Variants in SYNPO2 observed in about 807,000 individuals in gnomAD.
The protein encoded by SYNPO2 is synaptopodin-2.
In SYNPO2, 56 loss-of-function variants were observed where a neutral mutation model predicts 85.0. That is an observed-to-expected ratio of 0.66 (90% confidence interval 0.53 to 0.82). SYNPO2 has a LOEUF of 0.82. SYNPO2 is among the 40% of genes least tolerant of loss of function. The probability of loss-of-function intolerance (pLI) is 0.00; values close to 1 mark genes in which losing one functional copy is unlikely to be tolerated. For synonymous variants in SYNPO2, 602 were observed against 591.1 expected, an observed-to-expected ratio of 1.02 and a Z score of -0.27; for missense variants, 1,575 against 1,534.2, an observed-to-expected ratio of 1.03 and a Z score of -0.44.
chr4:118,852,313 A>G (rs1371495673), intron 1 of SYNPO2, among the ~76,000 whole-genome samples: 1 of 152,230 alleles, frequency 6.6e-6, no homozygotes. Flanking sequence ...CAGTGTGGTG[A>G]TTCCTCAAAG....
chr4:119,027,145 T>C lies in SYNPO2; in HGVS notation c.776T>C (p.Ile259Thr). 1 of 1,614,182 alleles carries C rather than the reference T, an allele frequency of 6.2e-7. No individual in the cohort carries two copies. Among genetic ancestry groups the C allele is most frequent in the Non-Finnish European group, 8.5e-7 (1 of 1,180,034 alleles). The change falls in exon 3 of 5, where the codon ATA (isoleucine) becomes ACA (threonine). Residue 259 changes from isoleucine (I) to threonine (T), a missense_variant. Ile to Thr is a moderately conservative substitution (Grantham distance 89). Transcript: ENST00000307142. Reference sequence around the variant, plus strand: ...GACCCTTTCCTGAGGTCCAGCAAGATAATCCAGATCTCCAGTGGCAGAGAG... The same window carrying C: ...GACCCTTTCCTGAGGTCCAGCAAGACAATCCAGATCTCCAGTGGCAGAGAG... ...KADPFLRSSK[I>T]IQISSGRELR... is the part of the protein sequence containing the mutation.
At chr4:118,952,943 T>C (rs1734747730) in intron 1 of SYNPO2, among the ~76,000 whole-genome samples, 2 of 152,166 alleles carry the variant, frequency 1.3e-5, no homozygotes, top group South Asian at 4.1e-4. Flanking sequence ...TTTAAAAAAT[T>C]ATACAGAATC....
chr4:119,025,073 T>A (rs1297057040), intron 2 of SYNPO2, among the ~76,000 whole-genome samples: 1 of 152,226 alleles, frequency 6.6e-6, no homozygotes, highest in Non-Finnish European at 1.5e-5. Flanking sequence ...TAAAGCTTTA[T>A]TCGCTCATGC....
At chr4:118,933,976 A>G (rs1734018975) in intron 1 of SYNPO2, among the ~76,000 whole-genome samples, 1 of 152,030 alleles carries the variant, frequency 6.6e-6, no homozygotes, top group South Asian at 2.1e-4. Flanking sequence ...AACATGGTTT[A>G]TTCTGAAAGA....
chr4:119,013,512 A>G (rs997343186), intron 1 of SYNPO2, among the ~76,000 whole-genome samples: 1 of 152,216 alleles, frequency 6.6e-6, no homozygotes, highest in Non-Finnish European at 1.5e-5. Context: ...AAATATGGTT[A>G]TTCAGTCTTG....
Position 118,979,650 on chromosome 4 carries a change from C to G in SYNPO2, c.106-43780C>G, listed in dbSNP as rs553370021. On this transcript the variant is annotated intron_variant, in intron 1 of 4. Transcript: ENST00000307142. ...AATATTTGTTCACTGGTTGGATATC[C>G]TTTCATTATCTATACTATATTTTCA... Among the ~76,000 whole-genome samples the G allele has an allele frequency of 4.6e-5, 7 of 152,260 alleles. No individual in the cohort carries two copies. The South Asian group carries it at 1.4e-3, about 32-fold the overall frequency.
intron 1 of SYNPO2, among the ~76,000 whole-genome samples, chr4:119,014,666 G>A (rs1737459534): frequency 6.6e-6 from 1 of 152,120 alleles, no homozygotes; most frequent in South Asian, 2.1e-4. Context: ...AGTCTAAACA[G>A]TTCCTAAGAC....
At chr4:118,910,039 T>C (rs1733083802) in intron 1 of SYNPO2, among the ~76,000 whole-genome samples, 1 of 152,212 alleles carries the variant, frequency 6.6e-6, no homozygotes, top group Admixed American at 6.5e-5. Context: ...CCAACGTCTA[T>C]TTTACTATGA....
chr4:118,949,839 G>A (rs972476911), intron 1 of SYNPO2, among the ~76,000 whole-genome samples: 5 of 152,020 alleles, frequency 3.3e-5, no homozygotes, highest in African/African-American at 9.7e-5. Context: ...CAAGTCGATC[G>A]TCATTACCCT....
intron 1 of SYNPO2, among the ~76,000 whole-genome samples, chr4:118,853,500 A>G (rs1206814048): frequency 1.3e-5 from 2 of 149,486 alleles, no homozygotes; most frequent in African/African-American, 4.8e-5. Context: ...GAAGTGTGAG[A>G]CTATGGTTCA....
chr4:118,999,150 A>C (rs1560962098), intron 1 of SYNPO2, among the ~76,000 whole-genome samples: 1 of 152,202 alleles, frequency 6.6e-6, no homozygotes, highest in Non-Finnish European at 1.5e-5. Context: ...ATGATGGATA[A>C]GTTTTTTTGT....
At chr4:118,868,058 A>AC (rs1198503916) in intron 1 of SYNPO2, among the ~76,000 whole-genome samples, 4 of 151,778 alleles carry the variant, frequency 2.6e-5, no homozygotes, top group Non-Finnish European at 5.9e-5. Context: ...TAAAAAAAAA[A>AC]AAAAAACTAC....
chr4:118,940,355 T>G (rs1734265710), intron 1 of SYNPO2, among the ~76,000 whole-genome samples: 1 of 152,156 alleles, frequency 6.6e-6, no homozygotes, highest in South Asian at 2.1e-4. Flanking sequence ...TCTAGTTCTG[T>G]CTTCTCTCCC....
chr4:118,956,521 A>C (rs1317211253), intron 1 of SYNPO2, among the ~76,000 whole-genome samples: 1 of 152,240 alleles, frequency 6.6e-6, no homozygotes, highest in Non-Finnish European at 1.5e-5. Context: ...TGAAAATCAA[A>C]ATTATTTCCT....
chr4:118,923,806 A>C (rs1184464907), intron 1 of SYNPO2, among the ~76,000 whole-genome samples: 3 of 151,698 alleles, frequency 2.0e-5, no homozygotes, highest in Non-Finnish European at 4.4e-5. Context: ...CCCTATATTG[A>C]AACTCCTTCT....
intron 1 of SYNPO2, among the ~76,000 whole-genome samples, chr4:118,857,731 T>C (rs1731530907): frequency 1.3e-5 from 2 of 152,224 alleles, no homozygotes; most frequent in Admixed American, 6.5e-5. Context: ...AGTAGAACGC[T>C]CTCGTACTAA....
chr4:118,887,982 CAG>C (rs1274480356), upstream of SYNPO2, among the ~76,000 whole-genome samples: 1 of 152,118 alleles, frequency 6.6e-6, no homozygotes, highest in African/African-American at 2.4e-5. Flanking sequence ...ACATTTTTGG[CAG>C]ATTGTATTCA....
At chr4:119,040,046 A>G (rs1184092890) in intron 4 of SYNPO2, among the ~76,000 whole-genome samples, 10 of 152,200 alleles carry the variant, frequency 6.6e-5, no homozygotes, top group Admixed American at 4.6e-4. Context: ...TCAGCTGTGA[A>G]ACGAAGACAA....
intron 1 of SYNPO2, among the ~76,000 whole-genome samples, chr4:118,904,200 C>T (rs980802414): frequency 1.3e-5 from 2 of 152,064 alleles, no homozygotes; most frequent in African/African-American, 2.4e-5. Flanking sequence ...AGAAATTATA[C>T]ATTCAAATCA....
Sources: gnomAD v4.1 joint callset for allele counts (sites outside exome capture counted in the v4.1 genomes callset) on GRCh38, gnomAD v4.1.1 for gene constraint, MANE v1.5 for transcripts, NCBI Gene and HGNC (gene_info 2026-07-23, HGNC 2026-07-21) for gene names.